The following FRYL variants were observed in gnomAD, a reference collection of about 807,000 sequenced individuals.
FRYL encodes the protein protein furry homolog-like.
In FRYL, 150 loss-of-function variants were observed where a neutral mutation model predicts 351.2. That is an observed-to-expected ratio of 0.43 (90% confidence interval 0.37 to 0.49). The LOEUF is 0.49. FRYL is among the 20% of genes least tolerant of loss of function. FRYL has a pLI of 0.00. For synonymous variants in FRYL, 1,153 were observed against 1,257.1 expected, an observed-to-expected ratio of 0.92 and a Z score of 1.75; for missense variants, 3,036 against 3,619.3, an observed-to-expected ratio of 0.84 and a Z score of 4.13.
At chr4:48,607,427 C>A (rs1206440484) in intron 9 of FRYL, among the ~76,000 whole-genome samples, 1 of 151,986 alleles carries the variant, frequency 6.6e-6, no homozygotes, top group Non-Finnish European at 1.5e-5. Flanking sequence ...GAATATGATA[C>A]CATTTTTCAT....
At chr4:48,727,219 A>C (rs1365373951) in intron 1 of FRYL, among the ~76,000 whole-genome samples, 2 of 152,178 alleles carry the variant, frequency 1.3e-5, no homozygotes, top group Non-Finnish European at 2.9e-5. Flanking sequence ...CTTAAAAAAA[A>C]ATGGGAAGAA....
At chr4:48,507,271 G>GAGAT (rs1721311147) in intron 59 of FRYL, among the ~76,000 whole-genome samples, 2 of 152,272 alleles carry the variant, frequency 1.3e-5, no homozygotes, top group African/African-American at 4.8e-5. Flanking sequence ...ACTGGCCTGA[G>GAGAT]AGATACAGGT....
In FRYL at chr4:48,596,047, A is replaced by C. The variant is rs374074494; in HGVS notation, c.1036-47T>G. The C allele has an allele frequency of 1.7e-4, 201 of 1,205,310 alleles. 1 individual carries two copies. In the African/African-American group the frequency reaches 2.9e-3, roughly 17 times the overall value. The allele number at this position is 1,205,310 out of a possible 1,614,324, so 74.7% of individuals were successfully genotyped here. Reference sequence around the variant, plus strand: ...TAAACTTATTATAATACTTGCAATCACTTAACAGCAAACATATTCTCTGTC... The same window carrying C: ...TAAACTTATTATAATACTTGCAATCCCTTAACAGCAAACATATTCTCTGTC... On this transcript the variant is annotated intron_variant, in intron 13 of 63. Transcript: ENST00000358350.
chr4:48,722,617 T>C (rs1349101719), intron 1 of FRYL, among the ~76,000 whole-genome samples: 2 of 152,184 alleles, frequency 1.3e-5, no homozygotes, highest in Non-Finnish European at 2.9e-5. Context: ...CTGATCACAG[T>C]ACAAAAAACG....
At chr4:48,700,091 T>C (rs966424738) in intron 2 of FRYL, among the ~76,000 whole-genome samples, 33 of 152,322 alleles carry the variant, frequency 2.2e-4, no homozygotes, top group African/African-American at 7.2e-4. Flanking sequence ...AGACACCACC[T>C]ACCACCTTAA....
At chr4:48,721,530 G>C (rs1295725980) in intron 1 of FRYL, among the ~76,000 whole-genome samples, 2 of 152,002 alleles carry the variant, frequency 1.3e-5, no homozygotes, top group Non-Finnish European at 2.9e-5. Flanking sequence ...ATAAAAGGTG[G>C]AAGTCATTAC....
rs1433072779 is a variant in FRYL, at chr4:48,565,591, G to A, written c.3270C>T (p.Pro1090=). 1.2e-6 allele frequency: 2 copies of A among 1,613,782 alleles called. No homozygotes were observed. The highest frequency in any genetic ancestry group is 1.7e-6 in the Non-Finnish European group (2 of 1,179,840). ...WAGPFSIMFT[P]LDRYSDRNMQ... The stretch of plus-strand genomic sequence containing the variant: ...TATTTCTATCACTGTATCTGTCCAA[G>A]GGCGTAAACATGATGCTAAAAGGAC... The change falls in exon 29 of 64, where the codon CCC becomes CCT. Residue 1090 remains proline (P), a synonymous_variant. Transcript: ENST00000358350.
intron 33 of FRYL, among the ~76,000 whole-genome samples, chr4:48,558,277 C>T (rs192909837): frequency 8.9e-4 from 135 of 152,278 alleles, no homozygotes; most frequent in African/African-American, 2.4e-3. Context: ...TATGCCACAA[C>T]GGGGCTGAAG....
chr4:48,631,755 T>A (rs1753007685), intron 4 of FRYL, among the ~76,000 whole-genome samples: 1 of 151,832 alleles, frequency 6.6e-6, no homozygotes, highest in Non-Finnish European at 1.5e-5. Context: ...AGGGAATATA[T>A]GGGAAGTTTG....
intron 25 of FRYL, 65 bp downstream of exon 25, chr4:48,575,052 A>AC (rs1739298298): frequency 6.4e-7 from 1 of 1,555,186 alleles, no homozygotes; most frequent in Non-Finnish European, 8.8e-7. Context: ...TAAGGACCCT[A>AC]CCACACCTTC....
At chr4:48,771,589 G>A (rs1235613905) in intron 1 of FRYL, among the ~76,000 whole-genome samples, 2 of 152,200 alleles carry the variant, frequency 1.3e-5, no homozygotes, top group Admixed American at 1.3e-4. Context: ...TTCAGAGGAA[G>A]TTAAACATCC....
chr4:48,679,225 C>T (rs184584679), intron 3 of FRYL, among the ~76,000 whole-genome samples: 75 of 152,108 alleles, frequency 4.9e-4, no homozygotes, highest in Non-Finnish European at 2.9e-4. Context: ...CTCAAATAAG[C>T]GAACAGTATA....
intron 3 of FRYL, among the ~76,000 whole-genome samples, chr4:48,652,101 G>A (rs1486401014): frequency 1.3e-5 from 2 of 152,224 alleles, no homozygotes; most frequent in Non-Finnish European, 2.9e-5. Context: ...GATTCAAGGA[G>A]TATGATTAAA....
chr4:48,745,591 C>T (rs557208075), intron 1 of FRYL, among the ~76,000 whole-genome samples: 8 of 150,882 alleles, frequency 5.3e-5, no homozygotes, highest in South Asian at 2.1e-4. Context: ...CATCACACAC[C>T]GGGGCCTGTT....
rs2149118174 is a variant in FRYL at position 48,573,225 on chromosome 4, T to C, written c.2865A>G (p.Leu955=). ...PGAFRELIEE[L]HPIIKEALER... is the part of the protein sequence containing the mutation. ...CGAGTGCTTCTTTAATTATGGGATGTAATTCCTCTATTAGTTCCCTGGAAG... is the reference window on the plus strand; with the variant it reads ...CGAGTGCTTCTTTAATTATGGGATGCAATTCCTCTATTAGTTCCCTGGAAG... Residue 955 remains leucine (L), a synonymous_variant, in exon 26 of 64, where the codon TTA becomes TTG. Transcript: ENST00000358350. 5.0e-6 allele frequency: 8 copies of C among 1,611,070 alleles called. No individual in the cohort carries two copies. The highest frequency in any genetic ancestry group is 6.8e-6 in the Non-Finnish European group (8 of 1,177,276).
At position 48,750,135 on chromosome 4, in the gene FRYL, T is replaced by TA. The variant is rs573603384; in HGVS notation, c.-384+29942dup. ...GTTGATAGAACAAGACTCCATCTATTAAAAAAAAAAAAAAAAAAGAAAGAA... is the reference window on the plus strand; with the variant it reads ...GTTGATAGAACAAGACTCCATCTATTAAAAAAAAAAAAAAAAAAAGAAAGAA... On this transcript the variant is annotated intron_variant, in intron 1 of 63. Transcript: ENST00000358350. 9.8e-3 allele frequency among the ~76,000 whole-genome samples: 760 copies of TA among 77,892 alleles called. 6 individuals carry two copies. The highest frequency in any genetic ancestry group is 0.012 in the Middle Eastern group (1 of 82). 51.1% of individuals were successfully genotyped at this position (77,892 alleles called of 152,430 possible).
intron 54 of FRYL, among the ~76,000 whole-genome samples, chr4:48,522,358 T>C (rs758175039): frequency 6.6e-6 from 1 of 152,202 alleles, no homozygotes; most frequent in Non-Finnish European, 1.5e-5. Flanking sequence ...GGTTTCTTCC[T>C]TATCACATGT....
At chr4:48,762,528 G>T (rs1414946351) in intron 1 of FRYL, among the ~76,000 whole-genome samples, 2 of 152,168 alleles carry the variant, frequency 1.3e-5, no homozygotes, top group African/African-American at 2.4e-5. Flanking sequence ...TCAGGGGAGG[G>T]TATGTGACAG....
intron 9 of FRYL, among the ~76,000 whole-genome samples, chr4:48,607,163 C>T (rs183698315): frequency 1.2e-3 from 181 of 152,260 alleles, no homozygotes; most frequent in African/African-American, 4.3e-3. Flanking sequence ...AGCTTTTCTT[C>T]ACTTACATTT....
Sources: gnomAD v4.1 joint callset for allele counts (sites outside exome capture counted in the v4.1 genomes callset) on GRCh38, gnomAD v4.1.1 for gene constraint, MANE v1.5 for transcripts, NCBI Gene and HGNC (gene_info 2026-07-23, HGNC 2026-07-21) for gene names.